Variants in EPHA6 observed in about 807,000 individuals in gnomAD.
EPHA6 encodes ephrin type-A receptor 6.
Under a neutral mutation model 112.0 loss-of-function variants are expected in EPHA6, and 50 were observed. The ratio of observed to expected loss-of-function variants is 0.45; its 90% CI spans 0.36 to 0.56. The LOEUF is 0.56. Ranked by LOEUF, EPHA6 falls within the 20% of genes least tolerant of loss-of-function variation. The pLI, the probability that EPHA6 is intolerant of heterozygous loss-of-function variation, is 0.00. For synonymous variants in EPHA6, 529 were observed against 490.7 expected (o/e 1.08, Z -1.03); for missense variants, 1,280 against 1,417.4 (o/e 0.90, Z 1.56).
intron 3 of EPHA6, among the ~76,000 whole-genome samples, chr3:97,091,487 G>A (rs2047063713): frequency 1.3e-5 from 2 of 152,142 alleles, no homozygotes; most frequent in African/African-American, 4.8e-5. Context: ...TATTTGTGGA[G>A]ATTTTTTGCA....
At chr3:97,334,472 T>C (rs1038985312) in intron 5 of EPHA6, among the ~76,000 whole-genome samples, 9 of 146,462 alleles carry the variant, frequency 6.1e-5, no homozygotes, top group East Asian at 5.9e-4. Flanking sequence ...TTTCTTTTTT[T>C]TTCTTCTTTT....
chr3:97,201,308 G>C (rs2108497906), intron 3 of EPHA6, among the ~76,000 whole-genome samples: 1 of 152,106 alleles, frequency 6.6e-6, no homozygotes, highest in Middle Eastern at 3.4e-3. Flanking sequence ...TGGCAATCCT[G>C]GAAAATTGTC....
chr3:97,735,813 T>C, intron 15 of EPHA6, 112 bp from the exon 16 acceptor site: 1 of 737,722 alleles, frequency 1.4e-6, no homozygotes, highest in South Asian at 2.8e-5. Flanking sequence ...TACTCACAAG[T>C]AGTTTTCATG....
At chr3:97,355,999 C>T (rs1302236334) in intron 5 of EPHA6, among the ~76,000 whole-genome samples, 2 of 152,210 alleles carry the variant, frequency 1.3e-5, no homozygotes, top group Admixed American at 6.5e-5. Context: ...TGTAAATATA[C>T]GTGTACCCAA....
At chr3:97,483,235 C>T (rs2091606077) in intron 9 of EPHA6, among the ~76,000 whole-genome samples, 1 of 152,200 alleles carries the variant, frequency 6.6e-6, no homozygotes, top group East Asian at 1.9e-4. Context: ...ATCCTAACTG[C>T]CTGTAGGCTG....
At chr3:97,553,039 A>G (rs1339799588) in intron 11 of EPHA6, among the ~76,000 whole-genome samples, 1 of 152,138 alleles carries the variant, frequency 6.6e-6, no homozygotes, top group African/African-American at 2.4e-5. Context: ...ATAATTGCTC[A>G]TCCTGCCTTC....
intron 3 of EPHA6, among the ~76,000 whole-genome samples, chr3:97,029,277 A>G (rs776618098): frequency 1.3e-5 from 2 of 151,630 alleles, no homozygotes; most frequent in Non-Finnish European, 2.9e-5. Flanking sequence ...TCAAGTTATA[A>G]AAGTAAAAAT....
chr3:96,862,886 T>C (rs1287133030), intron 1 of EPHA6, among the ~76,000 whole-genome samples: 2 of 151,956 alleles, frequency 1.3e-5, no homozygotes, highest in Non-Finnish European at 2.9e-5. Context: ...AATTTTCTTA[T>C]AATTTCCAAA....
intron 16 of EPHA6, among the ~76,000 whole-genome samples, chr3:97,746,738 C>G (rs1482735690): frequency 6.6e-6 from 1 of 151,810 alleles, no homozygotes; most frequent in East Asian, 1.9e-4. Context: ...TTCTTGTTAA[C>G]CCAACCTAAC....
rs372533674 is a variant in EPHA6, at chr3:97,328,054, C to CACATATATAT, written c.1607-77095_1607-77094insCATATATATA. ...GTGTATATATACACACATATATACA[C>CACATATATAT]ATATATATATATATATATATATATA... On this transcript the variant is annotated intron_variant, in intron 5 of 17. Coordinates refer to ENST00000389672, the MANE Select transcript of EPHA6 (RefSeq NM_001080448.3). 4.0e-4 allele frequency among the ~76,000 whole-genome samples: 48 copies of CACATATATAT among 120,870 alleles called. 4 individuals are homozygous for CACATATATAT. The highest frequency in any genetic ancestry group is 4.3e-3 in the Middle Eastern group (1 of 232). The allele number at this position is 120,870 out of a possible 152,430, so 79.3% of individuals were successfully genotyped here.
chr3:97,263,997 C>T (rs369271121), intron 5 of EPHA6, among the ~76,000 whole-genome samples: 5 of 152,112 alleles, frequency 3.3e-5, no homozygotes, highest in African/African-American at 1.2e-4. Flanking sequence ...ATGCGTCCCC[C>T]TAGAATCTAA....
chr3:97,263,436 T>TACACACACACACAC (rs34479594), intron 5 of EPHA6, among the ~76,000 whole-genome samples: 65 of 142,302 alleles, frequency 4.6e-4, no homozygotes, highest in African/African-American at 1.3e-3. Context: ...ATTAAAGGGA[T>TACACACACACACAC]ACACACACAC....
intron 11 of EPHA6, among the ~76,000 whole-genome samples, chr3:97,582,832 G>A (rs1361337986): frequency 6.6e-6 from 1 of 152,058 alleles, no homozygotes; most frequent in East Asian, 1.9e-4. Flanking sequence ...TGTTTGATAT[G>A]TATTAAAACA....
chr3:97,594,958 A>G (rs1030566341), intron 12 of EPHA6, among the ~76,000 whole-genome samples: 1 of 152,130 alleles, frequency 6.6e-6, no homozygotes, highest in African/African-American at 2.4e-5. Context: ...AAATTTAAAA[A>G]CCTGTTCTAT....
At chr3:97,615,786 C>A (rs963939496) in intron 13 of EPHA6, among the ~76,000 whole-genome samples, 2 of 152,174 alleles carry the variant, frequency 1.3e-5, no homozygotes, top group African/African-American at 4.8e-5. Context: ...CCTCCAGCCA[C>A]CCCCTCCTGT....
intron 12 of EPHA6, among the ~76,000 whole-genome samples, chr3:97,600,208 G>A (rs1375231378): frequency 6.7e-6 from 1 of 150,168 alleles, no homozygotes. Context: ...CATGTCGTCT[G>A]CAAACAGGGA....
At chr3:97,186,593 A>G (rs2077145864) in intron 3 of EPHA6, among the ~76,000 whole-genome samples, 1 of 152,132 alleles carries the variant, frequency 6.6e-6, no homozygotes, top group South Asian at 2.1e-4. Flanking sequence ...AGTTTTTAAT[A>G]AAGTCTGTGG....
At chr3:96,924,074 G>C (rs762393484) in intron 2 of EPHA6, among the ~76,000 whole-genome samples, 1 of 152,154 alleles carries the variant, frequency 6.6e-6, no homozygotes, top group Non-Finnish European at 1.5e-5. Context: ...AAGCCAGATA[G>C]TGTGATACCT....
chr3:97,465,706 C>T (rs888011503), intron 7 of EPHA6, among the ~76,000 whole-genome samples: 3 of 151,526 alleles, frequency 2.0e-5, no homozygotes, highest in Non-Finnish European at 2.9e-5. Flanking sequence ...GGGTCCATAA[C>T]GCTAAGAAAA....
Sources: gnomAD v4.1 joint callset for allele counts (sites outside exome capture counted in the v4.1 genomes callset) on GRCh38, gnomAD v4.1.1 for gene constraint, MANE v1.5 for transcripts, NCBI Gene and HGNC (gene_info 2026-07-23, HGNC 2026-07-21) for gene names.